Variants in C10orf90 observed in about 807,000 individuals in gnomAD.
C10orf90 encodes (E2-independent) E3 ubiquitin-conjugating enzyme FATS.
Under a neutral mutation model 62.5 loss-of-function variants are expected in C10orf90, and 56 were observed. The ratio of observed to expected loss-of-function variants is 0.90; its 90% CI spans 0.72 to 1.12. C10orf90 has a LOEUF of 1.12. Among genes scored for constraint, C10orf90 ranks in the 50% most tolerant of loss-of-function variants. C10orf90 has a pLI of 0.00. For synonymous variants in C10orf90, 386 were observed against 340.4 expected (o/e 1.13, Z -1.47); for missense variants, 970 against 880.4 (o/e 1.10, Z -1.29).
At chr10:126,667,148 T>C (rs909003523) in intron 1 of C10orf90, among the ~76,000 whole-genome samples, 1 of 151,564 alleles carries the variant, frequency 6.6e-6, no homozygotes, top group African/African-American at 2.4e-5. Flanking sequence ...AAGCTCTGCC[T>C]CCCAGATTCA....
At chr10:126,523,022 C>G (rs961612876) in intron 2 of C10orf90, 52 of 152,246 alleles carry the variant, frequency 3.4e-4, no homozygotes, top group Middle Eastern at 3.4e-3. Context: ...AACGCTCCCT[C>G]AAAAAACAGT....
At chr10:126,647,588 G>A (rs993529318) in intron 1 of C10orf90, among the ~76,000 whole-genome samples, 1 of 152,196 alleles carries the variant, frequency 6.6e-6, no homozygotes, top group African/African-American at 2.4e-5. Flanking sequence ...GACAGAATGG[G>A]GTGGGACAAG....
At chr10:126,608,377 G>C (rs1845360339) in intron 2 of C10orf90, among the ~76,000 whole-genome samples, 1 of 152,186 alleles carries the variant, frequency 6.6e-6, no homozygotes, top group Non-Finnish European at 1.5e-5. Context: ...CTCCCAAAGT[G>C]CTGGGATTAC....
intron 4 of C10orf90, among the ~76,000 whole-genome samples, chr10:126,478,543 T>TA (rs1861012032): frequency 6.6e-6 from 1 of 152,202 alleles, no homozygotes. Flanking sequence ...CACAAGATGA[T>TA]ACAGAAAGGC....
chr10:126,566,392 A>G (rs1250429496), intron 2 of C10orf90, among the ~76,000 whole-genome samples: 1 of 152,188 alleles, frequency 6.6e-6, no homozygotes, highest in East Asian at 1.9e-4. Flanking sequence ...TACTCAGAGG[A>G]AGAGTATAGG....
At chr10:126,531,905 G>A (rs1299077359) in intron 2 of C10orf90, among the ~76,000 whole-genome samples, 20 of 152,208 alleles carry the variant, frequency 1.3e-4, no homozygotes, top group Non-Finnish European at 8.8e-5. Context: ...TATCCAGGAT[G>A]TATAATGAAC....
intron 2 of C10orf90, among the ~76,000 whole-genome samples, chr10:126,587,441 G>A (rs183289913): frequency 6.6e-6 from 1 of 152,252 alleles, no homozygotes; most frequent in East Asian, 1.9e-4. Context: ...CTTGCCAATG[G>A]CTGCCTTCTC....
chr10:126,495,651 A>G (rs1862005176), intron 4 of C10orf90, among the ~76,000 whole-genome samples: 1 of 152,224 alleles, frequency 6.6e-6, no homozygotes, highest in Non-Finnish European at 1.5e-5. Context: ...AAAGAAAATC[A>G]CATTTTACAG....
intron 1 of C10orf90, among the ~76,000 whole-genome samples, chr10:126,648,955 C>G (rs1486184934): frequency 1.3e-5 from 2 of 151,710 alleles, no homozygotes; most frequent in Non-Finnish European, 2.9e-5. Flanking sequence ...GTCAAGAGCC[C>G]CAGCCTTGCC....
chr10:126,547,874 C>T (rs748085898), intron 2 of C10orf90, among the ~76,000 whole-genome samples: 48 of 151,982 alleles, frequency 3.2e-4, no homozygotes, highest in Non-Finnish European at 6.6e-4. Flanking sequence ...AACAGAGCCT[C>T]GTTAAGAACC....
chr10:126,655,058 C>T (rs1457175737), intron 1 of C10orf90, among the ~76,000 whole-genome samples: 1 of 152,130 alleles, frequency 6.6e-6, no homozygotes, highest in Non-Finnish European at 1.5e-5. Context: ...CGGTGGCTCA[C>T]ACCTGTAATC....
At position 126,512,362 on chromosome 10, in the gene C10orf90, G is replaced by GTGTTC. The variant is rs1564846970; in HGVS notation, c.405+1485_405+1486insGAACA. Reference sequence around the variant, plus strand: ...TATGTGTGTGTGTCTGTGTGTGTGTGTATGTGTGTCTGTGTGTGTGTGTCT... The same window carrying GTGTTC: ...TATGTGTGTGTGTCTGTGTGTGTGTGTGTTCTATGTGTGTCTGTGTGTGTGTGTCT... On this transcript the variant is annotated intron_variant, in intron 3 of 9. Transcript: ENST00000488181. 3.3e-3 allele frequency among the ~76,000 whole-genome samples: 357 copies of GTGTTC among 106,854 alleles called. 1 individual carries two copies. Among genetic ancestry groups the GTGTTC allele is most frequent in the African/African-American group, 0.012 (329 of 27,554 alleles). 70.1% of individuals were successfully genotyped at this position (106,854 alleles called of 152,430 possible). A position where few individuals can be genotyped will look rare whatever the true frequency, so the allele number is the denominator to read the frequency against.
At chr10:126,652,265 T>C (rs1220151743) in intron 1 of C10orf90, among the ~76,000 whole-genome samples, 5 of 152,226 alleles carry the variant, frequency 3.3e-5, no homozygotes, top group African/African-American at 1.2e-4. Flanking sequence ...TAATCTAAAA[T>C]AAATCAGCAT....
intron 2 of C10orf90, among the ~76,000 whole-genome samples, chr10:126,527,526 C>G (rs1015596323): frequency 4.6e-5 from 7 of 152,238 alleles, no homozygotes; most frequent in African/African-American, 1.7e-4. Context: ...TCTCGTATCT[C>G]TGCACCTTCA....
At chr10:126,505,226 C>G (rs1392699060) in intron 3 of C10orf90, 141 bp from the exon 4 acceptor site, 7 of 786,480 alleles carry the variant, frequency 8.9e-6, no homozygotes, top group African/African-American at 7.0e-5. Flanking sequence ...TACTGCACAC[C>G]TGATGCTCAG....
chr10:126,607,851 A>C (rs1005257809), intron 2 of C10orf90, among the ~76,000 whole-genome samples: 6 of 152,228 alleles, frequency 3.9e-5, no homozygotes, highest in Non-Finnish European at 7.3e-5. Flanking sequence ...AGAAAGTATT[A>C]CATGTCTATT....
At chr10:126,614,134 G>T (rs1033023318) in intron 2 of C10orf90, among the ~76,000 whole-genome samples, 2 of 152,162 alleles carry the variant, frequency 1.3e-5, no homozygotes, top group African/African-American at 2.4e-5. Context: ...TTTCAAGGTG[G>T]TTCAAGGGTG....
rs142216921 is a variant in C10orf90 at position 126,631,432 on chromosome 10, C to T, written c.313+15133G>A. On this transcript the variant is annotated intron_variant, in intron 2 of 9. Coordinates refer to ENST00000488181, the MANE Select transcript of C10orf90 (RefSeq NM_001350921.2). ...GCCCTGCTGCTTGCATGGCAAACTCCTATTCAACCCTCTACACCTGAAGCA... is the reference window on the plus strand; with the variant it reads ...GCCCTGCTGCTTGCATGGCAAACTCTTATTCAACCCTCTACACCTGAAGCA... Among the ~76,000 whole-genome samples, 114 of 152,278 alleles carry T rather than the reference C, an allele frequency of 7.5e-4. No individual in the cohort carries two copies. In the Middle Eastern group the frequency reaches 0.01, roughly 14 times the overall value.
At chr10:126,465,127 TA>T in intron 4 of C10orf90, 141 bp from the exon 5 acceptor site, 1 of 787,904 alleles carries the variant, frequency 1.3e-6, no homozygotes, top group Non-Finnish European at 2.0e-6. Context: ...GGGCCATCTG[TA>T]TACAGTGCTG....
Sources: allele counts gnomAD v4.1 joint callset (sites outside exome capture counted in the v4.1 genomes callset), GRCh38; gene constraint gnomAD v4.1.1; transcripts MANE v1.5; gene names NCBI Gene and HGNC (gene_info 2026-07-23, HGNC 2026-07-21).